BPTF: variants seen among roughly 807,000 people sequenced by gnomAD.
BPTF encodes nucleosome-remodeling factor subunit BPTF.
A neutral mutation model predicts 292.5 loss-of-function variants in BPTF; 18 were observed. The observed-to-expected ratio is 0.06, with a 90% confidence interval of 0.04 to 0.09. The LOEUF is 0.09. BPTF is among the 10% of genes least tolerant of loss of function. BPTF has a pLI of 1.00. For synonymous variants in BPTF, 1,225 were observed against 1,251.9 expected, an observed-to-expected ratio of 0.98 and a Z score of 0.45; for missense variants, 2,726 against 3,498.7, an observed-to-expected ratio of 0.78 and a Z score of 5.57.
rs866805175 is a variant in BPTF at position 67,891,942 on chromosome 17, C to T, written c.1963C>T (p.Arg655Trp). 1 of 1,612,288 alleles carries T rather than the reference C, an allele frequency of 6.2e-7. No individual in the cohort carries two copies. Among genetic ancestry groups the T allele is most frequent in the African/African-American group, 1.3e-5 (1 of 74,802 alleles). ...CTCAACTCGAATCATCACCAGATTG[C>T]GGAATCCAGATAGCAAACTTAGTCA... ...SGSTRIITRL[R>W]NPDSKLSQLK... is the part of the protein sequence containing the mutation. Residue 655 changes from arginine to tryptophan, a missense_variant, in exon 5 of 28, where the codon CGG (arginine) becomes TGG (tryptophan). Transcript: ENST00000306378.
chr17:67,918,969 C>A (rs543075670), intron 12 of BPTF, 131 bp downstream of exon 12: 15 of 869,222 alleles, frequency 1.7e-5, no homozygotes, highest in Non-Finnish European at 2.3e-5. Context: ...TCAGGAGATC[C>A]TGACCATCCT....
At position 67,836,348 on chromosome 17, in the gene BPTF, A is replaced by G. The variant is rs1404832784; in HGVS notation, c.613+10011A>G. 2.0e-5 allele frequency among the ~76,000 whole-genome samples: 3 copies of G among 152,362 alleles called. No individual in the cohort carries two copies. The East Asian group carries it at 5.8e-4, about 29-fold the overall frequency. ...GTAGGTGCAGTTTATATATTTTACT[A>G]GAAATATGGCTTCTTGCTCGATTTC... On this transcript the variant is annotated intron_variant, in intron 1 of 27. Transcript: ENST00000306378.
chr17:67,872,564 G>A (rs1221769382), intron 3 of BPTF, among the ~76,000 whole-genome samples: 1 of 152,034 alleles, frequency 6.6e-6, no homozygotes, highest in Non-Finnish European at 1.5e-5. Flanking sequence ...AAATTAGCCA[G>A]GTGTGGTGGT....
At chr17:67,933,402 T>G (rs749348906) in intron 18 of BPTF, among the ~76,000 whole-genome samples, 1 of 151,804 alleles carries the variant, frequency 6.6e-6, no homozygotes, top group Non-Finnish European at 1.5e-5. Context: ...AGACCCCATC[T>G]CTACAAAAAA....
At chr17:67,845,589 T>G (rs1038071756) in intron 1 of BPTF, among the ~76,000 whole-genome samples, 2 of 151,826 alleles carry the variant, frequency 1.3e-5, no homozygotes, top group Admixed American at 1.3e-4. Context: ...GCCTGGGCAA[T>G]GTAGGGAGAC....
intron 1 of BPTF, among the ~76,000 whole-genome samples, chr17:67,843,500 A>C (rs904428049): frequency 2.7e-5 from 4 of 149,506 alleles, no homozygotes; most frequent in African/African-American, 9.8e-5. Flanking sequence ...CTGGCCTTAC[A>C]TGAGACTTTG....
chr17:67,940,443 T>G lies in BPTF; in HGVS notation c.6264T>G (p.Ala2088=). 1 of 1,614,034 alleles carries G rather than the reference T, an allele frequency of 6.2e-7. No individual in the cohort carries two copies. The highest frequency in any genetic ancestry group is 8.5e-7 in the Non-Finnish European group (1 of 1,179,966). Residue 2088 remains alanine, a synonymous_variant, in exon 19 of 28, where the codon GCT becomes GCG. Coordinates refer to ENST00000306378, the MANE Select transcript of BPTF (RefSeq NM_182641.4). The part of the protein sequence containing the change: ...IRTPVMVQPG[A]PQQVMTQIIR... The stretch of plus-strand genomic sequence containing the variant: ...AATGTTTTGCTGTTTGGGTAGGTGC[T>G]CCTCAGCAAGTGATGACTCAAATCA...
chr17:67,891,696 G>T, intron 4 of BPTF, 148 bp from the exon 5 acceptor site: 1 of 459,816 alleles, frequency 2.2e-6, no homozygotes. Context: ...AAGGAATAAT[G>T]ATACTTGCTT....
At chr17:67,907,581 C>A (rs1339368406) in intron 9 of BPTF, among the ~76,000 whole-genome samples, 1 of 152,090 alleles carries the variant, frequency 6.6e-6, no homozygotes, top group Non-Finnish European at 1.5e-5. Flanking sequence ...ATCTCGAACT[C>A]CTGACTTCAA....
intron 2 of BPTF, among the ~76,000 whole-genome samples, chr17:67,858,722 G>A (rs1246303919): frequency 6.6e-6 from 1 of 152,222 alleles, no homozygotes; most frequent in East Asian, 1.9e-4. Flanking sequence ...GGAGCTCATA[G>A]TCATCAGGAT....
At chr17:67,924,007 G>GT (rs1321713196) in intron 14 of BPTF, among the ~76,000 whole-genome samples, 12 of 147,378 alleles carry the variant, frequency 8.1e-5, no homozygotes, top group South Asian at 2.2e-4. Context: ...ACGCCTGGCT[G>GT]TTTTTTTTTA....
intron 23 of BPTF, among the ~76,000 whole-genome samples, chr17:67,958,964 T>C (rs782478889): frequency 5.9e-5 from 9 of 152,070 alleles, no homozygotes; most frequent in South Asian, 2.1e-4. Context: ...AAAATATATA[T>C]ATGAAAAGAA....
intron 27 of BPTF, among the ~76,000 whole-genome samples, chr17:67,978,636 C>T (rs781988766): frequency 7.2e-5 from 11 of 151,988 alleles, no homozygotes; most frequent in Non-Finnish European, 1.5e-5. Context: ...ACAAGTGGTT[C>T]AGGAAAGCAA....
At chr17:67,938,461 G>A (rs2065100870) in intron 18 of BPTF, among the ~76,000 whole-genome samples, 1 of 152,130 alleles carries the variant, frequency 6.6e-6, no homozygotes, top group African/African-American at 2.4e-5. Flanking sequence ...TGGAAAACTT[G>A]TACTACCAGT....
At chr17:67,864,100 C>T (rs2059248645) in intron 2 of BPTF, among the ~76,000 whole-genome samples, 1 of 152,032 alleles carries the variant, frequency 6.6e-6, no homozygotes, top group African/African-American at 2.4e-5. Context: ...TCTACAGAAC[C>T]ACATTATAAC....
At chr17:67,832,730 C>A (rs1023512647) in intron 1 of BPTF, among the ~76,000 whole-genome samples, 21 of 152,032 alleles carry the variant, frequency 1.4e-4, no homozygotes, top group African/African-American at 5.1e-4. Flanking sequence ...TCACCTCCCT[C>A]CTGCTCATCC....
At chr17:67,904,659 T>C (rs2146673539) in intron 8 of BPTF, 43 bp from the exon 9 acceptor site, 2 of 1,464,158 alleles carry the variant, frequency 1.4e-6, no homozygotes, top group East Asian at 2.4e-5. Context: ...TTATAAGCAT[T>C]GTTATTCTTA....
intron 4 of BPTF, among the ~76,000 whole-genome samples, chr17:67,889,633 C>A (rs1395423607): frequency 1.3e-5 from 2 of 151,992 alleles, no homozygotes; most frequent in South Asian, 4.1e-4. Flanking sequence ...CATGGTGAAA[C>A]CCCGTCTCTA....
Position 67,928,645 on chromosome 17 carries a change from A to G in BPTF, c.5998+44A>G, listed in dbSNP as rs778617869. The G allele has an allele frequency of 3.9e-6, 6 of 1,535,600 alleles. No individual in the cohort carries two copies. The South Asian group carries it at 6.3e-5, about 16-fold the overall frequency. ...GTAAAAGATTACTTTGGTTCAGGAA[A>G]AAGAATTTTCAACCCTTTAGCTACT... On this transcript the variant is annotated intron_variant, in intron 16 of 27. Transcript: ENST00000306378.
Sources: gnomAD v4.1 joint callset for allele counts (sites outside exome capture counted in the v4.1 genomes callset) on GRCh38, gnomAD v4.1.1 for gene constraint, MANE v1.5 for transcripts, NCBI Gene and HGNC (gene_info 2026-07-23, HGNC 2026-07-21) for gene names.